DICER1: variants seen among roughly 807,000 people sequenced by gnomAD.
DICER1 encodes endoribonuclease Dicer.
A neutral mutation model predicts 194.1 loss-of-function variants in DICER1; 43 were observed. The observed-to-expected ratio is 0.22, with a 90% CI of 0.17 to 0.29. The LOEUF (loss-of-function observed/expected upper bound fraction) is 0.29. Ranked by LOEUF, DICER1 falls within the 10% of genes least tolerant of loss-of-function variation. DICER1 has a pLI of 1.00. For synonymous variants in DICER1, 832 were observed against 820.5 expected, an observed-to-expected ratio of 1.01 and a Z score of -0.24; for missense variants, 1,608 against 2,317.0, an observed-to-expected ratio of 0.69 and a Z score of 6.28.
chr14:95,126,329 A>G (rs932798682), intron 7 of DICER1, among the ~76,000 whole-genome samples: 2 of 152,234 alleles, frequency 1.3e-5, no homozygotes, highest in Non-Finnish European at 1.5e-5. Context: ...CACTCCTTAT[A>G]CTTAAATAAC....
intron 1 of DICER1, among the ~76,000 whole-genome samples, chr14:95,135,046 C>A (rs1296912489): frequency 6.6e-6 from 1 of 152,100 alleles, no homozygotes; most frequent in Non-Finnish European, 1.5e-5. Flanking sequence ...TTTCTTAATA[C>A]AACTGCCAAG....
chr14:95,107,611 G>A lies in DICER1; in HGVS notation c.2801C>T (p.Pro934Leu), dbSNP rs1211667485. Residue 934 changes from proline to leucine, a missense_variant, in exon 17 of 27, where the codon CCA becomes CTA. Physicochemically the swap from Pro to Leu is moderately conservative, Grantham distance 98. Coordinates refer to ENST00000343455, the MANE Select transcript of DICER1 (RefSeq NM_177438.3). ...LEDYQDAVII[P>L]RYRNFDQPHR... ...TCCTTTCCATTTAAATACCTACCTTGGAATGATAACGGCATCTTGGTAATC... is the reference window on the plus strand; with the variant it reads ...TCCTTTCCATTTAAATACCTACCTTAGAATGATAACGGCATCTTGGTAATC... 1 of 1,613,660 alleles carries A rather than the reference G, an allele frequency of 6.2e-7. No individual in the cohort carries two copies. Among genetic ancestry groups the A allele is most frequent in the Non-Finnish European group, 8.5e-7 (1 of 1,179,690 alleles).
intron 15 of DICER1, 23 bp downstream of exon 15, chr14:95,108,301 A>C (rs1416657442): frequency 6.2e-7 from 1 of 1,609,236 alleles, no homozygotes; most frequent in Non-Finnish European, 8.5e-7. Context: ...TTTTGACATA[A>C]GTACTCATTA....
intron 12 of DICER1, among the ~76,000 whole-genome samples, 167 bp from the exon 13 acceptor site, chr14:95,112,414 A>G (rs768830446): frequency 6.6e-6 from 1 of 152,218 alleles, no homozygotes; most frequent in Non-Finnish European, 1.5e-5. Flanking sequence ...TCTAATCTCC[A>G]TATTTGAAAT....
At position 95,107,542 on chromosome 14, in the gene DICER1, G is replaced by T. The variant is rs773917151; in HGVS notation, c.2804+66C>A. Reference sequence around the variant, plus strand: ...TGGGACTGCAGGCGTGAGCCACCGTGCCCGACCTAGTGCATCTTTTAAAAC... The same window carrying T: ...TGGGACTGCAGGCGTGAGCCACCGTTCCCGACCTAGTGCATCTTTTAAAAC... On this transcript the variant is annotated intron_variant, in intron 17 of 26. Coordinates refer to ENST00000343455, the MANE Select transcript of DICER1 (RefSeq NM_177438.3). 1.7e-4 allele frequency: 262 copies of T among 1,553,092 alleles called. 1 individual carries two copies. The highest frequency in any genetic ancestry group is 2.2e-4 in the Non-Finnish European group (247 of 1,125,456).
At chr14:95,102,436 A>G (rs1890964509) in intron 21 of DICER1, among the ~76,000 whole-genome samples, 1 of 152,194 alleles carries the variant, frequency 6.6e-6, no homozygotes, top group Non-Finnish European at 1.5e-5. Flanking sequence ...CTTCCACGAT[A>G]CAGCTTCACC....
chr14:95,139,870 CATTT>C (rs564768963), intron 1 of DICER1, among the ~76,000 whole-genome samples: 105 of 152,296 alleles, frequency 6.9e-4, no homozygotes, highest in African/African-American at 2.4e-3. Context: ...AATTTTCATT[CATTT>C]AGTGGACAAT....
intron 9 of DICER1, among the ~76,000 whole-genome samples, chr14:95,117,027 C>T (rs916404552): frequency 6.6e-6 from 1 of 152,126 alleles, no homozygotes; most frequent in Non-Finnish European, 1.5e-5. Flanking sequence ...TAGAAAAGGC[C>T]TTCAACAGGA....
intron 6 of DICER1, chr14:95,128,948 T>C (rs1182313186): frequency 6.5e-6 from 1 of 154,120 alleles, no homozygotes; most frequent in Non-Finnish European, 1.4e-5. Flanking sequence ...TTTGTGTGTG[T>C]GTGCGCTTTT....
At chr14:95,114,581 AC>A (rs1389735211) in intron 11 of DICER1, among the ~76,000 whole-genome samples, 4 of 152,240 alleles carry the variant, frequency 2.6e-5, no homozygotes, top group African/African-American at 9.6e-5. Context: ...AAGAATGCTT[AC>A]ACTAATGAGT....
chr14:95,091,769 A>C (rs1377228521), intron 24 of DICER1, among the ~76,000 whole-genome samples: 1 of 152,184 alleles, frequency 6.6e-6, no homozygotes, highest in Non-Finnish European at 1.5e-5. Context: ...AATAGTACTA[A>C]TTGGTCTGGT....
rs143793242 is a variant in DICER1 at position 95,154,175 on chromosome 14, C to A, written c.-46+3055G>T. On this transcript the variant is annotated intron_variant, in intron 1 of 26. Transcript: ENST00000343455. Reference sequence around the variant, plus strand: ...ACCTGCCAGACACTATGATTGGAACCAAGATCGTAAAAAGGAGTCGACCCT... The same window carrying A: ...ACCTGCCAGACACTATGATTGGAACAAAGATCGTAAAAAGGAGTCGACCCT... Among the ~76,000 whole-genome samples, 5 of 152,292 alleles carry A rather than the reference C, an allele frequency of 3.3e-5. No homozygotes were observed. In the East Asian group the frequency reaches 9.7e-4, roughly 29 times the overall value.
intron 4 of DICER1, among the ~76,000 whole-genome samples, chr14:95,130,486 G>A (rs1893862651): frequency 6.6e-6 from 1 of 152,216 alleles, no homozygotes; most frequent in Admixed American, 6.5e-5. Context: ...TATGACTGAT[G>A]AGATCTGTCA....
intron 8 of DICER1, among the ~76,000 whole-genome samples, chr14:95,122,202 C>G (rs10498642): frequency 0.093 from 14,202 of 152,090 alleles, 1,032 homozygotes; most frequent in East Asian, 0.38. Flanking sequence ...TAGGAAGTAA[C>G]CGACTGATTC....
chr14:95,104,601 C>T (rs942345912), intron 20 of DICER1, among the ~76,000 whole-genome samples: 3 of 152,192 alleles, frequency 2.0e-5, no homozygotes, highest in Non-Finnish European at 4.4e-5. Context: ...AGCAACTAAC[C>T]AATAAATATT....
At chr14:95,117,063 T>C (rs1426411125) in intron 9 of DICER1, among the ~76,000 whole-genome samples, 1 of 152,330 alleles carries the variant, frequency 6.6e-6, no homozygotes, top group South Asian at 2.1e-4. Context: ...TTAAGTTAAA[T>C]AATAAACTTT....
chr14:95,098,906 ATACT>A (rs1890603301), intron 22 of DICER1, among the ~76,000 whole-genome samples: 2 of 152,246 alleles, frequency 1.3e-5, no homozygotes, highest in Non-Finnish European at 2.9e-5. Context: ...CTACCTGGAA[ATACT>A]TAAAGGCAGA....
chr14:95,144,310 C>CT (rs199571984), intron 1 of DICER1, among the ~76,000 whole-genome samples: 97 of 149,218 alleles, frequency 6.5e-4, no homozygotes, highest in African/African-American at 2.0e-3. Flanking sequence ...GAAGCAGCCT[C>CT]TTTTTTTTTT....
intron 22 of DICER1, 138 bp downstream of exon 22, chr14:95,099,642 A>G: frequency 2.8e-6 from 3 of 1,085,942 alleles, no homozygotes; most frequent in Non-Finnish European, 3.7e-6. Context: ...TATATCAAAT[A>G]TCTACTCTAT....
Sources: gnomAD v4.1 joint callset for allele counts (sites outside exome capture counted in the v4.1 genomes callset) on GRCh38, gnomAD v4.1.1 for gene constraint, MANE v1.5 for transcripts, NCBI Gene and HGNC (gene_info 2026-07-23, HGNC 2026-07-21) for gene names.